Variants in BTBD9 observed in about 807,000 individuals in gnomAD.
BTBD9 encodes BTB/POZ domain-containing protein 9.
BTBD9 carries 49 observed loss-of-function variants against 64.3 expected under a neutral mutation model. The ratio of observed to expected loss-of-function variants is 0.76; its 90% confidence interval spans 0.61 to 0.97. The LOEUF (loss-of-function observed/expected upper bound fraction) is 0.97. Among genes scored for constraint, BTBD9 ranks in the 50% least tolerant of loss-of-function variants. The pLI is 0.00. For synonymous variants in BTBD9, 260 were observed against 274.7 expected (o/e 0.95, Z 0.53); for missense variants, 598 against 762.1 (o/e 0.78, Z 2.53).
At chr6:38,437,320 T>C (rs1768787411) in intron 6 of BTBD9, among the ~76,000 whole-genome samples, 2 of 152,124 alleles carry the variant, frequency 1.3e-5, no homozygotes, top group Non-Finnish European at 2.9e-5. Context: ...GGGGTGGTCC[T>C]AGTGAGTATC....
intron 6 of BTBD9, among the ~76,000 whole-genome samples, chr6:38,403,127 AAGAAG>A (rs1193950884): frequency 8.4e-6 from 1 of 118,374 alleles, no homozygotes; most frequent in Non-Finnish European, 1.6e-5. Flanking sequence ...GAAAAAAGAA[AAGAAG>A]AGAAGAGAAG....
chr6:38,210,769 A>G (rs544253234), intron 9 of BTBD9, among the ~76,000 whole-genome samples: 11 of 152,150 alleles, frequency 7.2e-5, no homozygotes, highest in Non-Finnish European at 1.6e-4. Flanking sequence ...GTTCTTTCCA[A>G]TAGGGTTTCT....
chr6:38,303,860 T>TATAC (rs1561997845), intron 7 of BTBD9, among the ~76,000 whole-genome samples: 4 of 124,912 alleles, frequency 3.2e-5, no homozygotes, highest in African/African-American at 1.2e-4. Context: ...TATATATATA[T>TATAC]ATATATATAT....
intron 8 of BTBD9, among the ~76,000 whole-genome samples, chr6:38,281,300 T>C (rs1761507316): frequency 6.6e-6 from 1 of 152,176 alleles, no homozygotes; most frequent in South Asian, 2.1e-4. Flanking sequence ...ATTTACAAAC[T>C]GAATAGATAA....
chr6:38,550,575 C>G (rs1774753843), intron 6 of BTBD9, among the ~76,000 whole-genome samples: 2 of 152,148 alleles, frequency 1.3e-5, no homozygotes, highest in Admixed American at 6.5e-5. Context: ...CTCAGCCTCC[C>G]AAAGTGCTGG....
chr6:38,297,191 C>A (rs1241805985), intron 7 of BTBD9, among the ~76,000 whole-genome samples: 3 of 152,066 alleles, frequency 2.0e-5, no homozygotes, highest in Non-Finnish European at 4.4e-5. Flanking sequence ...CGTGGTGAAA[C>A]CCCGTCTCTA....
chr6:38,636,317 G>A (rs73733984), intron 1 of BTBD9, among the ~76,000 whole-genome samples: 17,053 of 152,102 alleles, frequency 0.11, 1,170 homozygotes, highest in Non-Finnish European at 0.15. Context: ...CAGCCTCAGC[G>A]GACATCTATA....
At chr6:38,217,695 T>TCC (rs368220579) in intron 9 of BTBD9, among the ~76,000 whole-genome samples, 5 of 60,596 alleles carry the variant, frequency 8.3e-5, no homozygotes, top group Admixed American at 4.9e-4. Flanking sequence ...TTTTTTTCTT[T>TCC]TTTCTTTTTT....
chr6:38,480,412 T>C (rs552483996), intron 6 of BTBD9, among the ~76,000 whole-genome samples: 2 of 152,320 alleles, frequency 1.3e-5, no homozygotes, highest in South Asian at 4.1e-4. Context: ...AGTACAGCAC[T>C]CTGCTTAGGA....
chr6:38,249,442 A>G (rs1295134952), intron 9 of BTBD9, among the ~76,000 whole-genome samples: 1 of 151,780 alleles, frequency 6.6e-6, no homozygotes, highest in Admixed American at 6.6e-5. Flanking sequence ...CATTTTATTT[A>G]TTTGGTAGAG....
chr6:38,276,307 A>G (rs1582151583), intron 8 of BTBD9, among the ~76,000 whole-genome samples: 2 of 141,976 alleles, frequency 1.4e-5, no homozygotes, highest in Middle Eastern at 3.6e-3. Flanking sequence ...AATGGAACAC[A>G]TGGACACAGG....
In BTBD9 at chr6:38,500,133, CAAAG is replaced by C. The variant is rs1772129947; in HGVS notation, c.1154+77463_1154+77466del. Among the ~76,000 whole-genome samples, 8 of 151,862 alleles carry C rather than the reference CAAAG, an allele frequency of 5.3e-5. No homozygotes were observed. In the South Asian group the frequency reaches 1.7e-3, roughly 32 times the overall value. On this transcript the variant is annotated intron_variant, in intron 6 of 10. Transcript: ENST00000481247. ...AATCCAGCAGAAAATAGAAAGGTGT[CAAAG>C]AAAGAGAGATAGAATCTCTTTCTCA...
At chr6:38,228,323 T>C (rs1763471487) in intron 9 of BTBD9, among the ~76,000 whole-genome samples, 1 of 120,122 alleles carries the variant, frequency 8.3e-6, no homozygotes, top group African/African-American at 3.4e-5. Flanking sequence ...CTCAGCCTGG[T>C]GACAGGGCAA....
chr6:38,217,245 G>C, intron 9 of BTBD9, among the ~76,000 whole-genome samples: 1 of 150,322 alleles, frequency 6.7e-6, no homozygotes, highest in East Asian at 2.0e-4. Flanking sequence ...CTTGAACCCG[G>C]GAGGCAGAGG....
In BTBD9 at chr6:38,170,842, C is replaced by T. The variant is rs1032983664; in HGVS notation, c.*4143G>A. On this transcript the variant is annotated 3_prime_UTR_variant, in exon 11 of 11. Coordinates refer to ENST00000481247, the MANE Select transcript of BTBD9 (RefSeq NM_001099272.2). Reference sequence around the variant, plus strand: ...GCCAAAACAAATGGAGTATGCCCACCTCTGCCACGGCATCGCTGCAGACCT... The same window carrying T: ...GCCAAAACAAATGGAGTATGCCCACTTCTGCCACGGCATCGCTGCAGACCT... 40 of 152,382 alleles carry T rather than the reference C, an allele frequency of 2.6e-4. No individual in the cohort carries two copies. The highest frequency in any genetic ancestry group is 2.4e-3 in the Admixed American group (37 of 15,314). The allele number at this position is 152,382 out of a possible 1,614,324, so 9.4% of individuals were successfully genotyped here.
intron 9 of BTBD9, among the ~76,000 whole-genome samples, chr6:38,199,012 C>A (rs1762366187): frequency 6.6e-6 from 1 of 152,080 alleles, no homozygotes; most frequent in Non-Finnish European, 1.5e-5. Context: ...GGGGCTGAAC[C>A]AGGAAGACTG....
intron 6 of BTBD9, among the ~76,000 whole-genome samples, chr6:38,457,680 G>C (rs1469292701): frequency 6.6e-6 from 1 of 152,172 alleles, no homozygotes; most frequent in Non-Finnish European, 1.5e-5. Flanking sequence ...ACACAAGGGA[G>C]AGAGGCCTGG....
At chr6:38,218,023 G>T (rs1315327975) in intron 9 of BTBD9, among the ~76,000 whole-genome samples, 1 of 152,136 alleles carries the variant, frequency 6.6e-6, no homozygotes, top group Non-Finnish European at 1.5e-5. Context: ...CCTTAGGAAG[G>T]AGGAATATGG....
At chr6:38,465,748 T>C (rs1425020853) in intron 6 of BTBD9, among the ~76,000 whole-genome samples, 1 of 48,710 alleles carries the variant, frequency 2.1e-5, no homozygotes, top group Non-Finnish European at 4.0e-5. Flanking sequence ...TATATATATA[T>C]ATATATATGT....
Sources: gnomAD v4.1 joint callset for allele counts (sites outside exome capture counted in the v4.1 genomes callset) on GRCh38, gnomAD v4.1.1 for gene constraint, MANE v1.5 for transcripts, NCBI Gene and HGNC (gene_info 2026-07-23, HGNC 2026-07-21) for gene names.